The following ACADSB variants were observed in gnomAD, a reference collection of about 807,000 sequenced individuals.
ACADSB encodes the protein short/branched chain specific acyl-CoA dehydrogenase, mitochondrial.
In ACADSB, 40 loss-of-function variants were observed where a neutral mutation model predicts 54.1. That is an observed-to-expected ratio of 0.74 (90% CI 0.57 to 0.96). The LOEUF is 0.96. Among genes scored for constraint, ACADSB ranks in the 40% least tolerant of loss-of-function variants. The pLI is 0.00. For synonymous variants in ACADSB, 182 were observed against 182.8 expected, an observed-to-expected ratio of 1.00 and a Z score of 0.03; for missense variants, 530 against 510.4, an observed-to-expected ratio of 1.04 and a Z score of -0.37.
chr10:123,016,113 A>G (rs924845647), intron 1 of ACADSB, among the ~76,000 whole-genome samples: 16 of 152,182 alleles, frequency 1.1e-4, no homozygotes, highest in Non-Finnish European at 2.4e-4. Context: ...CGTTTTAGGT[A>G]TTAATAAAAC....
chr10:123,020,516 T>G (rs11248363), intron 1 of ACADSB, among the ~76,000 whole-genome samples: 70,982 of 152,100 alleles, frequency 0.47, 18,254 homozygotes, highest in Non-Finnish European at 0.59. Context: ...TTGTTTCCAG[T>G]TTTTTACTAC....
chr10:123,029,608 T>A (rs1850301347), intron 1 of ACADSB, among the ~76,000 whole-genome samples: 1 of 152,224 alleles, frequency 6.6e-6, no homozygotes, highest in African/African-American at 2.4e-5. Context: ...TTTTCAAGAT[T>A]TGTCCATGTT....
At chr10:123,037,880 C>T (rs1850420764) in intron 3 of ACADSB, 33 bp downstream of exon 3, 1 of 1,430,920 alleles carries the variant, frequency 7.0e-7, no homozygotes, top group Admixed American at 1.7e-5. Context: ...TTTCAAGCTT[C>T]TATAATTAAA....
rs374492515 is a variant in ACADSB at position 123,044,406 on chromosome 10, A to G, written c.821A>G (p.Asn274Ser). The change falls in exon 7 of 11, where the codon AAT becomes AGT. Residue 274 changes from asparagine (N) to serine (S), a missense_variant. Transcript: ENST00000358776. ...TTGTATTTTCAGGTTCCAGAAGCCA[A>G]TATCTTGGGACAAATTGGACATGGC... ...TFENVKVPEA[N>S]ILGQIGHGYK... 29 of 1,613,132 alleles carry G rather than the reference A, an allele frequency of 1.8e-5. No individual in the cohort carries two copies. The highest frequency in any genetic ancestry group is 5.3e-5 in the African/African-American group (4 of 74,928).
Position 123,052,898 on chromosome 10 carries a change from G to A in ACADSB, c.1129-163G>A. ...ATTAATAGGATGTTTTACAGAAATG[G>A]TATGGAGAATGGGACTGAAGAGACA... On this transcript the variant is annotated intron_variant, in intron 9 of 10. Transcript: ENST00000358776. The surrounding 1 kb of genome is among the most constrained non-coding windows in gnomAD (Gnocchi z 4.2). The A allele has an allele frequency of 4.4e-6, 3 of 679,914 alleles. No homozygotes were observed. The highest frequency in any genetic ancestry group is 8.1e-6 in the Non-Finnish European group (3 of 370,810). The allele number at this position is 679,914 out of a possible 1,614,324, so 42.1% of individuals were successfully genotyped here. A position where few individuals can be genotyped will look rare whatever the true frequency, so the allele number is the denominator to read the frequency against.
rs1850673053 is a variant in ACADSB, at chr10:123,054,115, C to T, written c.*350C>T. On this transcript the variant is annotated 3_prime_UTR_variant, in exon 11 of 11. Coordinates refer to ENST00000358776, the MANE Select transcript of ACADSB (RefSeq NM_001609.4). ...GATCTCAGCTCACTGCAGCCTTGACCTCCTGGGTTCCAGTGATTCTCATGC... is the reference window on the plus strand; with the variant it reads ...GATCTCAGCTCACTGCAGCCTTGACTTCCTGGGTTCCAGTGATTCTCATGC... The T allele has an allele frequency of 1.1e-5, 3 of 274,674 alleles. No homozygotes were observed. The highest frequency in any genetic ancestry group is 4.4e-5 in the African/African-American group (2 of 45,810). 17.0% of individuals were successfully genotyped at this position (274,674 alleles called of 1,614,324 possible). A position where few individuals can be genotyped will look rare whatever the true frequency, so the allele number is the denominator to read the frequency against.
At chr10:123,033,846 G>GA (rs570726447) in intron 1 of ACADSB, among the ~76,000 whole-genome samples, 20 of 150,486 alleles carry the variant, frequency 1.3e-4, no homozygotes, top group East Asian at 7.8e-4. Flanking sequence ...GTAAGATGCT[G>GA]AAAAAAAAAA....
intron 1 of ACADSB, among the ~76,000 whole-genome samples, chr10:123,010,640 T>C (rs2133450211): frequency 6.6e-6 from 1 of 152,314 alleles, no homozygotes; most frequent in East Asian, 1.9e-4. Flanking sequence ...ATTGTGCGTA[T>C]TCCAAAATTG....
At chr10:123,009,185 C>T (rs961935221) in intron 1 of ACADSB, 114 bp downstream of exon 1, 11 of 1,171,988 alleles carry the variant, frequency 9.4e-6, no homozygotes, top group African/African-American at 3.0e-5. Context: ...CCCCGCTCCA[C>T]GTCCTGGGTC....
At chr10:123,032,204 C>T (rs948178030) in intron 1 of ACADSB, among the ~76,000 whole-genome samples, 49 of 151,996 alleles carry the variant, frequency 3.2e-4, no homozygotes, top group African/African-American at 1.2e-3. Flanking sequence ...TGGTCTTGAA[C>T]TCCTGACCTA....
At chr10:123,034,633 C>G in intron 2 of ACADSB, 118 bp downstream of exon 2, 3 of 1,115,920 alleles carry the variant, frequency 2.7e-6, no homozygotes, top group Non-Finnish European at 2.7e-6. Flanking sequence ...GCTTCAGCCT[C>G]CTGAATAGCT....
At chr10:123,027,991 T>C (rs754313403) in intron 1 of ACADSB, among the ~76,000 whole-genome samples, 33 of 152,208 alleles carry the variant, frequency 2.2e-4, no homozygotes, top group Non-Finnish European at 4.7e-4. Context: ...TGCCATAAAG[T>C]GTCCACTTCT....
rs972925743 is a variant in ACADSB at position 123,035,106 on chromosome 10, C to A, written c.202+591C>A. 5.3e-5 allele frequency among the ~76,000 whole-genome samples: 8 copies of A among 152,166 alleles called. No individual in the cohort carries two copies. The East Asian group carries it at 1.6e-3, about 30-fold the overall frequency. On this transcript the variant is annotated intron_variant, in intron 2 of 10. Coordinates refer to ENST00000358776, the MANE Select transcript of ACADSB (RefSeq NM_001609.4). ...CTGGGACTACAGGCACGTGCCACCA[C>A]GCCTGGCTAGTTTTTTTGTATTTTG...
At chr10:123,053,421 T>C (rs1250267793) in intron 10 of ACADSB, among the ~76,000 whole-genome samples, 1 of 152,224 alleles carries the variant, frequency 6.6e-6, no homozygotes, top group Non-Finnish European at 1.5e-5. Context: ...AATAACAGTC[T>C]GAGCTTATGC....
intron 1 of ACADSB, among the ~76,000 whole-genome samples, chr10:123,014,326 A>C (rs1174272606): frequency 8.8e-6 from 1 of 113,284 alleles, no homozygotes; most frequent in Non-Finnish European, 2.1e-5. Flanking sequence ...CTATTTTTAA[A>C]ATTAATTAAT....
At chr10:123,030,526 C>CAAAAA (rs66574740) in intron 1 of ACADSB, among the ~76,000 whole-genome samples, 1 of 95,884 alleles carries the variant, frequency 1.0e-5, no homozygotes, top group Admixed American at 1.1e-4. Context: ...GACTCTGTCT[C>CAAAAA]AAAAAAAAAA....
intron 1 of ACADSB, among the ~76,000 whole-genome samples, chr10:123,017,378 C>T (rs1454708582): frequency 1.3e-5 from 2 of 152,126 alleles, no homozygotes; most frequent in South Asian, 2.1e-4. Flanking sequence ...GAGTGCAATG[C>T]GTGATCTCAG....
Position 123,040,501 on chromosome 10 carries a change from C to T in ACADSB, c.339C>T (p.Gly113=), listed in dbSNP as rs888024670. The T allele has an allele frequency of 4.3e-6, 7 of 1,613,912 alleles. No individual in the cohort carries two copies. Among genetic ancestry groups the T allele is most frequent in the Non-Finnish European group, 5.9e-6 (7 of 1,180,024 alleles). ...TTGAAGTTGACCCAGAATATGGAGG[C>T]ACAGGAGCTTCATTTTTATCCACTG... is the stretch of plus-strand genomic sequence containing the variant. ...MGIEVDPEYG[G]TGASFLSTVL... The change falls in exon 4 of 11, where the codon GGC becomes GGT. Residue 113 remains glycine (G), a synonymous_variant. Transcript: ENST00000358776.
At chr10:123,016,625 C>T (rs564916858) in intron 1 of ACADSB, among the ~76,000 whole-genome samples, 4 of 152,140 alleles carry the variant, frequency 2.6e-5, no homozygotes, top group Non-Finnish European at 5.9e-5. Context: ...CTAGCCAAAA[C>T]CATAAATGGG....
Sources: gnomAD v4.1 joint callset for allele counts (sites outside exome capture counted in the v4.1 genomes callset) on GRCh38, gnomAD v4.1.1 for gene constraint, Gnocchi (gnomAD v3.1) non-coding constraint, MANE v1.5 for transcripts, NCBI Gene and HGNC (gene_info 2026-07-23, HGNC 2026-07-21) for gene names.